The following GRK7 variants were observed in gnomAD, a reference collection of about 807,000 sequenced individuals.
The protein encoded by GRK7 is G protein-coupled receptor kinase 7.
GRK7 carries 24 observed loss-of-function variants against 34.1 expected under a neutral mutation model. The observed-to-expected ratio is 0.70, with a 90% confidence interval of 0.51 to 0.99. The LOEUF is 0.99. Ranked by LOEUF, GRK7 falls within the 50% of genes least tolerant of loss-of-function variation. The pLI is 0.00. For synonymous variants in GRK7, 256 were observed against 279.4 expected (o/e 0.92, Z 0.84); for missense variants, 644 against 707.3 (o/e 0.91, Z 1.02).
intron 1 of GRK7, among the ~76,000 whole-genome samples, chr3:141,769,954 G>A (rs540837617): frequency 1.8e-4 from 27 of 152,284 alleles, no homozygotes; most frequent in South Asian, 8.3e-4. Context: ...TTGCCCTGTC[G>A]CCCAGGCTGG....
At chr3:141,802,410 T>C (rs1710979369) in intron 4 of GRK7, among the ~76,000 whole-genome samples, 1 of 117,258 alleles carries the variant, frequency 8.5e-6, no homozygotes, top group Admixed American at 8.7e-5. Flanking sequence ...TGTGAGATAA[T>C]TTCCCAGTGT....
chr3:141,756,916 C>T, the GRK7 span, among the ~76,000 whole-genome samples: 1 of 151,978 alleles, frequency 6.6e-6, no homozygotes, highest in Non-Finnish European at 1.5e-5. Flanking sequence ...AGAAGTTTCT[C>T]AAAACTCAGA....
chr3:141,766,224 C>T (rs924848945), intron 1 of GRK7, among the ~76,000 whole-genome samples: 2 of 151,542 alleles, frequency 1.3e-5, no homozygotes, highest in East Asian at 1.9e-4. Flanking sequence ...AGTGCAGTGG[C>T]GCGATCTCAG....
intron 4 of GRK7, among the ~76,000 whole-genome samples, chr3:141,798,012 C>T (rs2107888141): frequency 6.6e-6 from 1 of 152,290 alleles, no homozygotes; most frequent in Non-Finnish European, 1.5e-5. Flanking sequence ...TCCTGGTTGT[C>T]CAGAGCCACA....
intron 2 of GRK7, among the ~76,000 whole-genome samples, chr3:141,777,599 T>G (rs1043586111): frequency 4.0e-5 from 6 of 150,424 alleles, no homozygotes; most frequent in African/African-American, 1.5e-4. Context: ...GGCCCCTCTT[T>G]TAACCCAAGG....
chr3:141,752,279 G>T, the GRK7 span, among the ~76,000 whole-genome samples: 4 of 152,160 alleles, frequency 2.6e-5, no homozygotes, highest in African/African-American at 9.7e-5. Context: ...TTTAATAGAT[G>T]TATAGCATTG....
chr3:141,757,230 T>A, the GRK7 span, among the ~76,000 whole-genome samples: 14 of 150,874 alleles, frequency 9.3e-5, no homozygotes, highest in Non-Finnish European at 4.4e-5. Context: ...ACATGTGCCA[T>A]GCTGGTGCGC....
At chr3:141,785,793 G>T (rs2084693269) in intron 4 of GRK7, among the ~76,000 whole-genome samples, 1 of 150,518 alleles carries the variant, frequency 6.6e-6, no homozygotes, top group Admixed American at 6.6e-5. Flanking sequence ...TTTAAACTTA[G>T]CCAGGTGTGG....
At chr3:141,777,485 C>T (rs1238825001) in intron 2 of GRK7, among the ~76,000 whole-genome samples, 2 of 60,366 alleles carry the variant, frequency 3.3e-5, no homozygotes, top group East Asian at 4.1e-4. Flanking sequence ...CCATCAAGCC[C>T]GGCTAATTTT....
At chr3:141,773,708 C>A (rs2084626902) in intron 1 of GRK7, among the ~76,000 whole-genome samples, 1 of 152,118 alleles carries the variant, frequency 6.6e-6, no homozygotes, top group South Asian at 2.1e-4. Context: ...GCCACCGCGC[C>A]CGGCCTGATG....
the GRK7 span, among the ~76,000 whole-genome samples, chr3:141,753,366 T>C: frequency 6.6e-6 from 1 of 152,250 alleles, no homozygotes; most frequent in Admixed American, 6.5e-5. Context: ...TTTAGTACAG[T>C]GGTTCCCCAA....
intron 2 of GRK7, among the ~76,000 whole-genome samples, chr3:141,775,607 T>C (rs1243396933): frequency 2.6e-5 from 4 of 152,118 alleles, no homozygotes; most frequent in Non-Finnish European, 4.4e-5. Context: ...GAAATTTGCC[T>C]GGTTTGAATT....
chr3:141,801,539 T>C (rs1710966898), intron 4 of GRK7, among the ~76,000 whole-genome samples: 1 of 152,132 alleles, frequency 6.6e-6, no homozygotes, highest in Admixed American at 6.5e-5. Flanking sequence ...AACAAAAGTT[T>C]AATGATTGTT....
At chr3:141,760,129 T>A (rs1352602553), upstream of GRK7, among the ~76,000 whole-genome samples, 1 of 151,978 alleles carries the variant, frequency 6.6e-6, no homozygotes, top group Non-Finnish European at 1.5e-5. Context: ...ATTGATTTTT[T>A]GAAGGGTTAT....
chr3:141,778,379 G>C lies in GRK7; in HGVS notation c.95G>C (p.Arg32Pro). ...PSDCDSKELQRRRRSLALPGL... is the reference protein window; with the variant it reads ...PSDCDSKELQPRRRSLALPGL... Reference sequence around the variant, plus strand: ...GACTGCGACAGCAAAGAGCTGCAGCGGCGGCGGCGTAGCCTGGCCCTGCCC... The same window carrying C: ...GACTGCGACAGCAAAGAGCTGCAGCCGCGGCGGCGTAGCCTGGCCCTGCCC... Residue 32 changes from arginine (R) to proline (P), a missense_variant, in exon 3 of 6, where the codon CGG becomes CCG. By Grantham distance (103) the Arg-to-Pro change is moderately radical (BLOSUM62 -2). Coordinates refer to ENST00000682958, the MANE Select transcript of GRK7 (RefSeq NM_139209.3). This position sits in a 1 kb window ranked among gnomAD's most constrained non-coding sequence, Gnocchi z 4.1. 6.2e-7 allele frequency: 1 copy of C among 1,611,410 alleles called. No homozygotes were observed. Among genetic ancestry groups the C allele is most frequent in the Non-Finnish European group, 8.5e-7 (1 of 1,178,720 alleles).
chr3:141,797,570 C>T (rs899541721), intron 4 of GRK7, among the ~76,000 whole-genome samples: 17 of 152,204 alleles, frequency 1.1e-4, no homozygotes, highest in African/African-American at 4.1e-4. Context: ...CCACGGCAAA[C>T]AAAACATGTA....
At chr3:141,802,365 G>GACACACACACACACACACAC in intron 4 of GRK7, among the ~76,000 whole-genome samples, 1 of 34,210 alleles carries the variant, frequency 2.9e-5, no homozygotes, top group East Asian at 8.6e-4. Context: ...CTCTTTCTCT[G>GACACACACACACACACACAC]TCACACACAC....
intron 1 of GRK7, among the ~76,000 whole-genome samples, chr3:141,772,961 C>A (rs1005123473): frequency 7.2e-5 from 11 of 151,788 alleles, no homozygotes; most frequent in African/African-American, 1.9e-4. Context: ...CAAGGTGAGA[C>A]CCCATCTCTA....
At chr3:141,811,262 G>A (rs1163725656) in intron 5 of GRK7, among the ~76,000 whole-genome samples, 1 of 151,838 alleles carries the variant, frequency 6.6e-6, no homozygotes, top group Non-Finnish European at 1.5e-5. Context: ...AGGTTGAAGT[G>A]AGCCAAGATC....
Sources: gnomAD v4.1 joint callset for allele counts (sites outside exome capture counted in the v4.1 genomes callset) on GRCh38, gnomAD v4.1.1 for gene constraint, Gnocchi (gnomAD v3.1) non-coding constraint, MANE v1.5 for transcripts, NCBI Gene and HGNC (gene_info 2026-07-23, HGNC 2026-07-21) for gene names.